Variants in PDCD6 observed in about 807,000 individuals in gnomAD.
PDCD6 encodes the protein programmed cell death protein 6.
Under a neutral mutation model 28.3 loss-of-function variants are expected in PDCD6, and 12 were observed. The ratio of observed to expected loss-of-function variants is 0.42; its 90% CI spans 0.27 to 0.69. The LOEUF is 0.69. Ranked by LOEUF, PDCD6 falls within the 30% of genes least tolerant of loss-of-function variation. The probability of loss-of-function intolerance (pLI) is 0.22; values close to 1 mark genes in which losing one functional copy is unlikely to be tolerated. For synonymous variants in PDCD6, 92 were observed against 108.0 expected (o/e 0.85, Z 0.92); for missense variants, 226 against 269.9 (o/e 0.84, Z 1.14).
chr5:276,845 C>G, intron 2 of PDCD6: 1 of 985,306 alleles, frequency 1.0e-6, no homozygotes, highest in Non-Finnish European at 1.2e-6. Context: ...AGGAGAGCTG[C>G]TAAAAATTAC....
intron 2 of PDCD6, among the ~76,000 whole-genome samples, chr5:275,349 C>G (rs1163673983): frequency 4.6e-5 from 7 of 152,240 alleles, no homozygotes; most frequent in South Asian, 2.1e-4. Flanking sequence ...CGCTGGCTTT[C>G]GGGCTCACAC....
At chr5:311,687 T>TTTTTGTTTTG (rs982531683) in intron 5 of PDCD6, 1 of 386,206 alleles carries the variant, frequency 2.6e-6, no homozygotes, top group Non-Finnish European at 4.7e-6. Context: ...TTTTTTTTGT[T>TTTTTGTTTTG]TTTTGTTTTG....
At chr5:274,456 T>C (rs1477599948) in intron 2 of PDCD6, among the ~76,000 whole-genome samples, 1 of 152,224 alleles carries the variant, frequency 6.6e-6, no homozygotes, top group Non-Finnish European at 1.5e-5. Flanking sequence ...CTACCAGTTT[T>C]GTGTCCTCGC....
chr5:311,767 C>G, intron 5 of PDCD6: 1 of 235,436 alleles, frequency 4.2e-6, no homozygotes, highest in Non-Finnish European at 8.3e-6. Context: ...GATCCCGGCT[C>G]ACTCCCACCT....
At chr5:276,457 G>A (rs1284815784) in intron 2 of PDCD6, 1 of 986,034 alleles carries the variant, frequency 1.0e-6, no homozygotes, top group East Asian at 1.1e-4. Context: ...TCTTCTCTCT[G>A]AATTTCTTTA....
chr5:303,331 C>T (rs55655653), intron 2 of PDCD6, among the ~76,000 whole-genome samples: 27,372 of 150,098 alleles, frequency 0.18, 5,436 homozygotes, highest in African/African-American at 0.5. Context: ...CTAACACAGA[C>T]GGGGTATGAG....
chr5:277,411 C>T (rs1738269443), intron 2 of PDCD6, among the ~76,000 whole-genome samples: 1 of 151,030 alleles, frequency 6.6e-6, no homozygotes, highest in African/African-American at 2.4e-5. Context: ...ATGCCATTCT[C>T]CTGCCTCAGC....
At chr5:279,050 G>T (rs1336766272) in intron 2 of PDCD6, among the ~76,000 whole-genome samples, 3 of 152,092 alleles carry the variant, frequency 2.0e-5, no homozygotes, top group Non-Finnish European at 4.4e-5. Flanking sequence ...GTCCTCCATG[G>T]GGAACAGCAT....
chr5:309,035 T>G (rs1026229340), intron 4 of PDCD6: 1 of 153,086 alleles, frequency 6.5e-6, no homozygotes, highest in Admixed American at 6.5e-5. Context: ...ACAAAGGCAG[T>G]CGGGCGGAGA....
chr5:303,312 A>AAC (rs56258522), intron 2 of PDCD6, among the ~76,000 whole-genome samples: 1 of 150,476 alleles, frequency 6.6e-6, no homozygotes, highest in Non-Finnish European at 1.5e-5. Context: ...AAAAAAAAAA[A>AAC]CTGTGTGTCT....
intron 2 of PDCD6, among the ~76,000 whole-genome samples, chr5:302,594 G>A (rs1740167736): frequency 6.7e-6 from 1 of 149,002 alleles, no homozygotes. Flanking sequence ...GGGTCATCGA[G>A]TGCTGCTCTG....
chr5:274,095 G>A (rs1738028061), intron 2 of PDCD6, among the ~76,000 whole-genome samples: 2 of 152,174 alleles, frequency 1.3e-5, no homozygotes, highest in Admixed American at 1.3e-4. Flanking sequence ...GGATGCAAAT[G>A]GCTCTGTGCA....
rs1218655282 is a variant in PDCD6 at position 307,254 on chromosome 5, CTCGGCGT to C, written c.367+495_367+501del. Reference sequence around the variant, plus strand: ...CGTGTGTGTGCTCGGCGTGTGTGTGCTCGGCGTGTGTGTGCACACGTGTGCCGTGCGC... The same window carrying C: ...CGTGTGTGTGCTCGGCGTGTGTGTGCGTGTGTGCACACGTGTGCCGTGCGC... On this transcript the variant is annotated intron_variant, in intron 4 of 5. Coordinates refer to ENST00000264933, the MANE Select transcript of PDCD6 (RefSeq NM_013232.4). The surrounding 1 kb of genome is among the most constrained non-coding windows in gnomAD (Gnocchi z 6.1). Among the ~76,000 whole-genome samples the C allele has an allele frequency of 1.7e-5, 2 of 116,886 alleles. No homozygotes were observed. Among genetic ancestry groups the C allele is most frequent in the Admixed American group, 7.7e-5 (1 of 13,026 alleles). The allele number at this position is 116,886 out of a possible 152,430, so 76.7% of individuals were successfully genotyped here. A position where few individuals can be genotyped will look rare whatever the true frequency, so the allele number is the denominator to read the frequency against.
chr5:298,697 CA>C (rs1739780318), intron 2 of PDCD6, among the ~76,000 whole-genome samples: 4 of 127,720 alleles, frequency 3.1e-5, no homozygotes, highest in Non-Finnish European at 3.4e-5. Flanking sequence ...CAGCTGCTCC[CA>C]CTCAGCTGCT....
intron 2 of PDCD6, among the ~76,000 whole-genome samples, chr5:299,669 C>T (rs1421850916): frequency 6.6e-6 from 1 of 151,908 alleles, no homozygotes; most frequent in African/African-American, 2.4e-5. Context: ...CCTGCCTCAG[C>T]CCCCCGAGTA....
chr5:272,164 C>G (rs1183568121), intron 1 of PDCD6, among the ~76,000 whole-genome samples: 1 of 150,562 alleles, frequency 6.6e-6, no homozygotes, highest in Non-Finnish European at 1.5e-5. Flanking sequence ...CGGCCACCGG[C>G]TCCTGGGCTA....
At chr5:296,781 G>T (rs1318603234) in intron 2 of PDCD6, among the ~76,000 whole-genome samples, 2 of 152,102 alleles carry the variant, frequency 1.3e-5, no homozygotes, top group Non-Finnish European at 2.9e-5. Flanking sequence ...TGGGTGGGGG[G>T]GCCCGTCGAG....
chr5:277,929 AAGAAT>A (rs1342661657), intron 2 of PDCD6, among the ~76,000 whole-genome samples: 1 of 151,562 alleles, frequency 6.6e-6, no homozygotes, highest in Non-Finnish European at 1.5e-5. Context: ...AAAAAAAAAA[AAGAAT>A]AGAATAACCC....
chr5:285,734 G>A (rs540383698), intron 2 of PDCD6, among the ~76,000 whole-genome samples: 40 of 151,108 alleles, frequency 2.6e-4, no homozygotes, highest in African/African-American at 7.6e-4. Context: ...TTTGAAGGCC[G>A]TGCATTTGGA....
Sources: gnomAD v4.1 joint callset for allele counts (sites outside exome capture counted in the v4.1 genomes callset) on GRCh38, gnomAD v4.1.1 for gene constraint, Gnocchi (gnomAD v3.1) non-coding constraint, MANE v1.5 for transcripts, NCBI Gene and HGNC (gene_info 2026-07-23, HGNC 2026-07-21) for gene names.